Variants in ERF observed in about 807,000 individuals in gnomAD.
The protein encoded by ERF is ETS2 repressor factor, also known as ETS domain-containing transcription factor ERF.
In ERF, 10 loss-of-function variants were observed where a neutral mutation model predicts 41.6. The observed-to-expected ratio is 0.24, with a 90% CI of 0.15 to 0.41. ERF has a LOEUF of 0.41. Ranked by LOEUF, ERF falls within the 10% of genes least tolerant of loss-of-function variation. ERF has a pLI of 1.00. For missense variants in ERF, 621 were observed against 763.2 expected, an observed-to-expected ratio of 0.81 and a Z score of 2.19; for synonymous variants, 395 against 342.4, an observed-to-expected ratio of 1.15 and a Z score of -1.70.
At position 42,250,703 on chromosome 19, in the gene ERF, A is replaced by G. The variant is rs1383226963; in HGVS notation, c.23-138T>C. Reference sequence around the variant, plus strand: ...CCTCAGCCAAGTCAAGATCTGATTTAAGAGAAGACAGTGCGTGTCTGTCTG... The same window carrying G: ...CCTCAGCCAAGTCAAGATCTGATTTGAGAGAAGACAGTGCGTGTCTGTCTG... On this transcript the variant is annotated intron_variant, in intron 1 of 3. Coordinates refer to ENST00000222329, the MANE Select transcript of ERF (RefSeq NM_006494.4). This position sits in a 1 kb window ranked among gnomAD's most constrained non-coding sequence, Gnocchi z 5.1. The G allele has an allele frequency of 5.9e-6, 5 of 840,968 alleles. No homozygotes were observed. Among genetic ancestry groups the G allele is most frequent in the Non-Finnish European group, 9.2e-6 (5 of 541,796 alleles). The allele number at this position is 840,968 out of a possible 1,614,324, so 52.1% of individuals were successfully genotyped here.
chr19:42,252,478 G>A (rs1401704987), intron 1 of ERF, among the ~76,000 whole-genome samples: 1 of 152,180 alleles, frequency 6.6e-6, no homozygotes, highest in Non-Finnish European at 1.5e-5. Flanking sequence ...AGAAGAGAGG[G>A]AGTGAGAGAG....
At chr19:42,251,123 C>T (rs951699300) in intron 1 of ERF, 2 of 734,892 alleles carry the variant, frequency 2.7e-6, no homozygotes, top group Non-Finnish European at 3.3e-6. Flanking sequence ...ACTCGGTTGC[C>T]GATGAGGTCA....
In ERF at chr19:42,248,346, A is replaced by G; in HGVS notation, c.*119T>C. On this transcript the variant is annotated 3_prime_UTR_variant, in exon 4 of 4. Transcript: ENST00000222329. This position sits in a 1 kb window ranked among gnomAD's most constrained non-coding sequence, Gnocchi z 4.2. The stretch of plus-strand genomic sequence containing the variant: ...AGTTTTATACAAAATGTGGGGAGGG[A>G]AAAGGGAGGAGGCAGGGAAGAGACA... The G allele has an allele frequency of 2.7e-6, 2 of 748,962 alleles. No individual in the cohort carries two copies. The highest frequency in any genetic ancestry group is 3.7e-5 in the African/African-American group (2 of 53,520). 46.4% of individuals were successfully genotyped at this position (748,962 alleles called of 1,614,324 possible). A position where few individuals can be genotyped will look rare whatever the true frequency, so the allele number is the denominator to read the frequency against.
Position 42,248,243 on chromosome 19 carries a change from G to T in ERF, c.*222C>A. ...CTACCACCACTTTGCCCAGAGCTTA[G>T]AAACCCACAGAGACAGGGAATAGCC... On this transcript the variant is annotated 3_prime_UTR_variant, in exon 4 of 4. Transcript: ENST00000222329. The surrounding 1 kb of genome is among the most constrained non-coding windows in gnomAD (Gnocchi z 4.2). 6.0e-6 allele frequency: 1 copy of T among 166,644 alleles called. No individual in the cohort carries two copies. The highest frequency in any genetic ancestry group is 1.2e-5 in the Non-Finnish European group (1 of 82,820). The allele number at this position is 166,644 out of a possible 1,614,324, so 10.3% of individuals were successfully genotyped here.
In ERF at chr19:42,250,238, G is replaced by T. The variant is rs2036421268; in HGVS notation, c.257+93C>A. ...ACAGCTAGGATTTGGCAAAGCCAGG[G>T]GTCAGACCCAATGCTTGTTCCCACA... On this transcript the variant is annotated intron_variant, in intron 2 of 3. Coordinates refer to ENST00000222329, the MANE Select transcript of ERF (RefSeq NM_006494.4). This position sits in a 1 kb window ranked among gnomAD's most constrained non-coding sequence, Gnocchi z 5.1. The T allele has an allele frequency of 1.4e-6, 2 of 1,440,742 alleles. No homozygotes were observed. The highest frequency in any genetic ancestry group is 2.2e-4 in the Middle Eastern group (1 of 4,616). The allele number at this position is 1,440,742 out of a possible 1,614,324, so 89.2% of individuals were successfully genotyped here.
At chr19:42,253,464 TG>T (rs2036478919) in intron 1 of ERF, among the ~76,000 whole-genome samples, 1 of 151,442 alleles carries the variant, frequency 6.6e-6, no homozygotes, top group Admixed American at 6.6e-5. Context: ...CCGACAGGGT[TG>T]GGGAAGCGAC....
intron 1 of ERF, among the ~76,000 whole-genome samples, 153 bp downstream of exon 1, chr19:42,254,825 G>C (rs2036506934): frequency 6.6e-6 from 1 of 152,184 alleles, no homozygotes. Flanking sequence ...CCCCGCTCGC[G>C]CCACGAGAAG....
intron 1 of ERF, among the ~76,000 whole-genome samples, chr19:42,253,101 G>T (rs1209287847): frequency 6.6e-6 from 1 of 152,164 alleles, no homozygotes; most frequent in African/African-American, 2.4e-5. Context: ...ATGCAAGCCT[G>T]GGGGGACAAA....
Position 42,248,744 on chromosome 19 carries a change from C to A in ERF, c.1368G>T (p.Thr456=). The stretch of plus-strand genomic sequence containing the variant: ...TAGGGGGTGCAGGTGGGGCACGGGG[C>A]GTCTTGAACACCTCCCCGTCTTCCT... ...EDEEDGEVFK[T]PRAPPAPPKP... is the part of the protein sequence containing the mutation. Residue 456 remains threonine (T), a synonymous_variant, in exon 4 of 4, where the codon ACG becomes ACT. Transcript: ENST00000222329. This position sits in a 1 kb window ranked among gnomAD's most constrained non-coding sequence, Gnocchi z 4.2. 1 of 1,613,614 alleles carries A rather than the reference C, an allele frequency of 6.2e-7. No individual in the cohort carries two copies. Among genetic ancestry groups the A allele is most frequent in the South Asian group, 1.1e-5 (1 of 91,082 alleles).
At position 42,250,274 on chromosome 19, in the gene ERF, T is replaced by C. The variant is rs1312466346; in HGVS notation, c.257+57A>G. The C allele has an allele frequency of 3.2e-6, 5 of 1,574,678 alleles. No homozygotes were observed. Among genetic ancestry groups the C allele is most frequent in the Non-Finnish European group, 3.5e-6 (4 of 1,153,780 alleles). ...ATGCTTGTTCCCACAGGCAAGGGGC[T>C]GTGCAACCCCGGGGGGGCACTCCAC... On this transcript the variant is annotated intron_variant, in intron 2 of 3. Coordinates refer to ENST00000222329, the MANE Select transcript of ERF (RefSeq NM_006494.4). The surrounding 1 kb of genome is among the most constrained non-coding windows in gnomAD (Gnocchi z 5.1).
rs922168754 is a variant in ERF, at chr19:42,250,026, G to A, written c.258-84C>T. 5 of 1,318,372 alleles carry A rather than the reference G, an allele frequency of 3.8e-6. No homozygotes were observed. Among genetic ancestry groups the A allele is most frequent in the African/African-American group, 1.5e-5 (1 of 68,946 alleles). 81.7% of individuals were successfully genotyped at this position (1,318,372 alleles called of 1,614,324 possible). A position where few individuals can be genotyped will look rare whatever the true frequency, so the allele number is the denominator to read the frequency against. On this transcript the variant is annotated intron_variant, in intron 2 of 3. Coordinates refer to ENST00000222329, the MANE Select transcript of ERF (RefSeq NM_006494.4). The surrounding 1 kb of genome is among the most constrained non-coding windows in gnomAD (Gnocchi z 5.1). Reference sequence around the variant, plus strand: ...CACACCTTAACACGCACTTAGGTGTGGTTCCCAAAGGCCAACTGAGGAACG... The same window carrying A: ...CACACCTTAACACGCACTTAGGTGTAGTTCCCAAAGGCCAACTGAGGAACG...
Position 42,249,059 on chromosome 19 carries a change from C to T in ERF, c.1053G>A (p.Pro351=), listed in dbSNP as rs186795992. 47 of 1,612,602 alleles carry T rather than the reference C, an allele frequency of 2.9e-5. No individual in the cohort carries two copies. Among genetic ancestry groups the T allele is most frequent in the South Asian group, 4.4e-5 (4 of 90,988 alleles). Residue 351 remains proline, a synonymous_variant, in exon 4 of 4, where the codon CCG becomes CCA. Transcript: ENST00000222329. This position sits in a 1 kb window ranked among gnomAD's most constrained non-coding sequence, Gnocchi z 8.6. ...CCGGTGGGGTCTCGGGTGCCATGGG[C>T]GGCAGCGGGCACTTGTCAGGGCGCT... ...QPQRPDKCPL[P]PMAPETPPVP... is the part of the protein sequence containing the mutation.
intron 1 of ERF, among the ~76,000 whole-genome samples, chr19:42,252,979 C>A (rs149974155): frequency 2.6e-5 from 4 of 151,954 alleles, no homozygotes; most frequent in African/African-American, 9.7e-5. Context: ...CAGGAGACTG[C>A]GAGACAGAGT....
chr19:42,253,874 C>CGCT, intron 1 of ERF: 1 of 1,077,048 alleles, frequency 9.3e-7, no homozygotes, highest in Non-Finnish European at 1.1e-6. Flanking sequence ...CCGCCGCCGC[C>CGCT]GCCGCCGCCG....
In ERF at chr19:42,249,104, C is replaced by A. The variant is rs755405849; in HGVS notation, c.1008G>T (p.Gly336=). The change falls in exon 4 of 4, where the codon GGG becomes GGT. Residue 336 remains glycine (G), a synonymous_variant. Coordinates refer to ENST00000222329, the MANE Select transcript of ERF (RefSeq NM_006494.4). The surrounding 1 kb of genome is among the most constrained non-coding windows in gnomAD (Gnocchi z 8.6). Reference sequence around the variant, plus strand: ...GGCGCTGGGGCTGGGGCACCACCAGCCCAGGGTAGTGCAGGAAGGCGCGGG... The same window carrying A: ...GGCGCTGGGGCTGGGGCACCACCAGACCAGGGTAGTGCAGGAAGGCGCGGG... ...LSPRAFLHYP[G]LVVPQPQRPD... The A allele has an allele frequency of 1.9e-6, 3 of 1,613,736 alleles. No homozygotes were observed. In the South Asian group the frequency reaches 3.3e-5, roughly 18 times the overall value.
At chr19:42,252,306 C>A (rs999127649) in intron 1 of ERF, among the ~76,000 whole-genome samples, 1 of 152,172 alleles carries the variant, frequency 6.6e-6, no homozygotes, top group African/African-American at 2.4e-5. Context: ...CCTGAGACAT[C>A]AATCTGGGGG....
intron 1 of ERF, among the ~76,000 whole-genome samples, chr19:42,253,344 C>T (rs1265338835): frequency 6.6e-6 from 1 of 152,070 alleles, no homozygotes; most frequent in Non-Finnish European, 1.5e-5. Context: ...TGGAGGGGTG[C>T]GGAGCGGCAG....
rs2146952344 is a variant in ERF, at chr19:42,250,642, C to T, written c.23-77G>A. On this transcript the variant is annotated intron_variant, in intron 1 of 3. Transcript: ENST00000222329. The surrounding 1 kb of genome is among the most constrained non-coding windows in gnomAD (Gnocchi z 5.1). ...CTCTGGGTCCCATCCCAGGGTCCAC[C>T]TCTGCCCTGCCTTCAACATGGGGAA... is the stretch of plus-strand genomic sequence containing the variant. 7.1e-7 allele frequency: 1 copy of T among 1,400,170 alleles called. No homozygotes were observed. Among genetic ancestry groups the T allele is most frequent in the Non-Finnish European group, 9.8e-7 (1 of 1,020,888 alleles). The allele number at this position is 1,400,170 out of a possible 1,614,324, so 86.7% of individuals were successfully genotyped here.
At position 42,249,269 on chromosome 19, in the gene ERF, G is replaced by C; in HGVS notation, c.843C>G (p.Pro281=). ...CACTGGGGTACATCGGGCTCAGCGTGGGCGAGGGAGTGTAGGCCAGGTGGG... is the reference window on the plus strand; with the variant it reads ...CACTGGGGTACATCGGGCTCAGCGTCGGCGAGGGAGTGTAGGCCAGGTGGG... ...TPTHLAYTPS[P]TLSPMYPSGG... is the part of the protein sequence containing the mutation. Residue 281 remains proline (P), a synonymous_variant, in exon 4 of 4, where the codon CCC becomes CCG. Coordinates refer to ENST00000222329, the MANE Select transcript of ERF (RefSeq NM_006494.4). The surrounding 1 kb of genome is among the most constrained non-coding windows in gnomAD (Gnocchi z 8.6). 1 of 1,609,134 alleles carries C rather than the reference G, an allele frequency of 6.2e-7. No homozygotes were observed. The highest frequency in any genetic ancestry group is 8.5e-7 in the Non-Finnish European group (1 of 1,177,748).
Sources: allele counts gnomAD v4.1 joint callset (sites outside exome capture counted in the v4.1 genomes callset), GRCh38; gene constraint gnomAD v4.1.1; non-coding constraint Gnocchi (gnomAD v3.1); transcripts MANE v1.5; gene names NCBI Gene and HGNC (gene_info 2026-07-23, HGNC 2026-07-21).